The following UNC13A variants were observed in gnomAD, a reference collection of about 807,000 sequenced individuals.
UNC13A encodes unc-13 homolog A.
Under a neutral mutation model 219.7 loss-of-function variants are expected in UNC13A, and 61 were observed. That is an observed-to-expected ratio of 0.28 (90% CI 0.23 to 0.34). The LOEUF (loss-of-function observed/expected upper bound fraction) is 0.34. UNC13A is among the 10% of genes least tolerant of loss of function. The probability of loss-of-function intolerance (pLI) is 1.00; values close to 1 mark genes in which losing one functional copy is unlikely to be tolerated. For synonymous variants in UNC13A, 920 were observed against 884.6 expected (o/e 1.04, Z -0.71); for missense variants, 1,476 against 2,270.3 (o/e 0.65, Z 7.11).
At chr19:17,680,889 CTTTTTTTTTTTT>C (rs375785182) in intron 1 of UNC13A, among the ~76,000 whole-genome samples, 8 of 48,696 alleles carry the variant, frequency 1.6e-4, no homozygotes, top group Admixed American at 2.8e-4. Flanking sequence ...CTTTTCTTTT[CTTTTTTTTTTTT>C]TTTTTTTTTT....
intron 15 of UNC13A, 75 bp downstream of exon 15, chr19:17,648,837 C>A: frequency 6.5e-7 from 1 of 1,535,954 alleles, no homozygotes; most frequent in South Asian, 1.2e-5. Context: ...CGGGGACCCA[C>A]AGAGGCTTGG....
At chr19:17,619,058 G>T in intron 38 of UNC13A, 96 bp from the exon 39 acceptor site, 1 of 1,184,440 alleles carries the variant, frequency 8.4e-7, no homozygotes, top group Non-Finnish European at 1.3e-6. Flanking sequence ...AAGGCTCTGG[G>T]CAGGGCAATA....
In UNC13A at chr19:17,649,501, G is replaced by A. The variant is rs997954600; in HGVS notation, c.1518+8C>T. 4 of 1,613,838 alleles carry A rather than the reference G, an allele frequency of 2.5e-6. No individual in the cohort carries two copies. The African/African-American group carries it at 4.0e-5, about 16-fold the overall frequency. On this transcript the variant is annotated splice_region_variant and intron_variant, in intron 13 of 43. Transcript: ENST00000519716. This position sits in a 1 kb window ranked among gnomAD's most constrained non-coding sequence, Gnocchi z 4.4. ...TCTGCTCAGGGAGTAAAGGGCGAGG[G>A]TGCTTACCAAGTCGCTCACGAGTGG...
At chr19:17,667,151 C>T (rs866247061) in intron 6 of UNC13A, among the ~76,000 whole-genome samples, 9 of 151,590 alleles carry the variant, frequency 5.9e-5, no homozygotes, top group Non-Finnish European at 1.2e-4. Flanking sequence ...CCCGGGAGGC[C>T]GAGGCAGGAG....
At chr19:17,647,173 C>G (rs1217008710) in intron 17 of UNC13A, 92 bp downstream of exon 17, 18 of 1,245,478 alleles carry the variant, frequency 1.4e-5, no homozygotes, top group Non-Finnish European at 2.0e-5. Context: ...GTGCGCGCTG[C>G]AAAGGAGAGG....
At chr19:17,629,187 G>A (rs1480492448) in intron 31 of UNC13A, 53 bp downstream of exon 31, 17 of 1,489,998 alleles carry the variant, frequency 1.1e-5, no homozygotes, top group Non-Finnish European at 1.6e-5. Flanking sequence ...GGAGTCCTGG[G>A]GATGCTGAAT....
chr19:17,610,698 T>C (rs1201108353), intron 42 of UNC13A, among the ~76,000 whole-genome samples: 2 of 152,008 alleles, frequency 1.3e-5, no homozygotes, highest in Non-Finnish European at 1.5e-5. Context: ...GCAATGCTTG[T>C]GGGGGCTGAG....
chr19:17,647,575 A>G, intron 16 of UNC13A, 83 bp from the exon 17 acceptor site: 1 of 1,364,182 alleles, frequency 7.3e-7, no homozygotes, highest in Non-Finnish European at 1.0e-6. Flanking sequence ...GCCCCTACTC[A>G]TCAACCGGGG....
chr19:17,621,545 TTCAGCTGAGCCCAGGGC>T (rs1290403789), intron 37 of UNC13A, among the ~76,000 whole-genome samples: 2 of 152,064 alleles, frequency 1.3e-5, no homozygotes, highest in African/African-American at 4.8e-5. Context: ...GGCACAGAAT[TTCAGCTGAGCCCAGGGC>T]TCAGATGAGC....
chr19:17,688,042 A>G (rs1599429486), intron 1 of UNC13A, 136 bp downstream of exon 1: 7 of 1,121,556 alleles, frequency 6.2e-6, no homozygotes, highest in Middle Eastern at 3.2e-4. Flanking sequence ...TGCGTCGACA[A>G]GGGCTACCCC....
At chr19:17,639,383 G>T in intron 24 of UNC13A, 53 bp downstream of exon 24, 1 of 1,585,042 alleles carries the variant, frequency 6.3e-7, no homozygotes, top group South Asian at 1.1e-5. Flanking sequence ...CTGGGAGCTG[G>T]GGATCCTAGA....
In UNC13A at chr19:17,606,261, C is replaced by G; in HGVS notation, c.4905G>C (p.Leu1635=). 1 of 1,547,784 alleles carries G rather than the reference C, an allele frequency of 6.5e-7. No individual in the cohort carries two copies. Among genetic ancestry groups the G allele is most frequent in the Non-Finnish European group, 8.7e-7 (1 of 1,146,466 alleles). The change falls in exon 44 of 44, where the codon CTG becomes CTC. Residue 1635 remains leucine (L), a synonymous_variant. Coordinates refer to ENST00000519716, the MANE Select transcript of UNC13A (RefSeq NM_001080421.3). Reference sequence around the variant, plus strand: ...CCAGCTCACGCAGCTGCAGCACGGCCAGCCCCACCGTGCGGTCCTCGCGCG... The same window carrying G: ...CCAGCTCACGCAGCTGCAGCACGGCGAGCCCCACCGTGCGGTCCTCGCGCG... The part of the protein sequence containing the change: ...CFAREDRTVG[L]AVLQLRELAQ...
At chr19:17,634,309 TACCCATCCATCTGTCC>T (rs1310667048) in intron 26 of UNC13A, among the ~76,000 whole-genome samples, 1 of 152,118 alleles carries the variant, frequency 6.6e-6, no homozygotes, top group Non-Finnish European at 1.5e-5. Context: ...CCCATCCATT[TACCCATCCATCTGTCC>T]ACCCATCCAT....
intron 1 of UNC13A, among the ~76,000 whole-genome samples, chr19:17,687,337 C>T (rs73011758): frequency 0.22 from 32,916 of 152,126 alleles, 4,221 homozygotes; most frequent in Middle Eastern, 0.36. Context: ...CTCCCTCTCT[C>T]CAGTGCAAAG....
chr19:17,672,638 G>T, intron 3 of UNC13A, 143 bp from the exon 4 acceptor site: 1 of 609,460 alleles, frequency 1.6e-6, no homozygotes. Flanking sequence ...AGGGTAACAT[G>T]GTGGTTCTCA....
chr19:17,610,239 G>A (rs2076587808), intron 42 of UNC13A, 140 bp from the exon 43 acceptor site: 1 of 1,131,140 alleles, frequency 8.8e-7, no homozygotes, highest in South Asian at 1.4e-5. Context: ...GCCAAGGCGG[G>A]TGGATCACTT....
chr19:17,612,616 G>A (rs926939478), intron 41 of UNC13A, among the ~76,000 whole-genome samples: 6 of 152,094 alleles, frequency 3.9e-5, no homozygotes, highest in African/African-American at 1.4e-4. Flanking sequence ...GGGAGGGTGA[G>A]GCAAACTCAC....
At chr19:17,667,035 C>T (rs10424882) in intron 6 of UNC13A, among the ~76,000 whole-genome samples, 126,963 of 151,854 alleles carry the variant, frequency 0.84, 53,805 homozygotes, top group Middle Eastern at 0.92. Flanking sequence ...GGGCAGATCA[C>T]GAGGTCAAGA....
At chr19:17,620,998 G>A (rs911804401) in intron 37 of UNC13A, among the ~76,000 whole-genome samples, 1 of 152,104 alleles carries the variant, frequency 6.6e-6, no homozygotes, top group African/African-American at 2.4e-5. Context: ...CCAGGATGGG[G>A]CACCTGGGGA....
Sources: gnomAD v4.1 joint callset for allele counts (sites outside exome capture counted in the v4.1 genomes callset) on GRCh38, gnomAD v4.1.1 for gene constraint, Gnocchi (gnomAD v3.1) non-coding constraint, MANE v1.5 for transcripts, NCBI Gene and HGNC (gene_info 2026-07-23, HGNC 2026-07-21) for gene names.